Variants in LOXHD1 observed in about 807,000 individuals in gnomAD.
LOXHD1 encodes lipoxygenase homology domain-containing protein 1.
A neutral mutation model predicts 248.2 loss-of-function variants in LOXHD1; 205 were observed. The ratio of observed to expected loss-of-function variants is 0.83; its 90% CI spans 0.74 to 0.93. The LOEUF is 0.93. Among genes scored for constraint, LOXHD1 ranks in the 40% least tolerant of loss-of-function variants. The pLI is 0.00. For missense variants in LOXHD1, 2,930 were observed against 2,971.6 expected, an observed-to-expected ratio of 0.99 and a Z score of 0.33; for synonymous variants, 1,113 against 1,162.8, an observed-to-expected ratio of 0.96 and a Z score of 0.87.
intron 4 of LOXHD1, among the ~76,000 whole-genome samples, chr18:46,620,690 T>C (rs1599055126): frequency 1.3e-5 from 2 of 152,180 alleles, no homozygotes; most frequent in African/African-American, 4.8e-5. Flanking sequence ...GAGAGCCACC[T>C]GCCAGGGATG....
chr18:46,493,502 T>C (rs1192467559), intron 37 of LOXHD1, among the ~76,000 whole-genome samples: 1 of 152,242 alleles, frequency 6.6e-6, no homozygotes, highest in Non-Finnish European at 1.5e-5. Flanking sequence ...GTGCTTGGCA[T>C]ATTATTAAAT....
chr18:46,529,041 A>T, intron 29 of LOXHD1, 136 bp downstream of exon 29: 1 of 1,069,620 alleles, frequency 9.3e-7, no homozygotes. Flanking sequence ...GGGAAGGGCA[A>T]GGGCAGAGGC....
chr18:46,629,853 T>C (rs1475480311), intron 4 of LOXHD1, among the ~76,000 whole-genome samples: 2 of 150,258 alleles, frequency 1.3e-5, no homozygotes, highest in South Asian at 2.1e-4. Flanking sequence ...TGCTCCAGAA[T>C]GGGAGTCCAG....
At chr18:46,496,008 G>C (rs977428407) in intron 37 of LOXHD1, among the ~76,000 whole-genome samples, 1 of 152,134 alleles carries the variant, frequency 6.6e-6, no homozygotes, top group Non-Finnish European at 1.5e-5. Context: ...CTCCAGCCTG[G>C]GTGACAGAGT....
chr18:46,644,869 A>G (rs535510634), intron 2 of LOXHD1, among the ~76,000 whole-genome samples: 32 of 152,294 alleles, frequency 2.1e-4, no homozygotes, highest in African/African-American at 7.2e-4. Context: ...GGAGGAGCGT[A>G]TGTGGAAGCA....
At chr18:46,629,803 A>G (rs1253413034) in intron 4 of LOXHD1, among the ~76,000 whole-genome samples, 37 of 151,132 alleles carry the variant, frequency 2.4e-4, no homozygotes, top group African/African-American at 8.1e-4. Context: ...AAAAAAAAAA[A>G]AAAAGAAAAA....
chr18:46,502,684 T>C (rs2034312112), intron 37 of LOXHD1, among the ~76,000 whole-genome samples: 1 of 151,684 alleles, frequency 6.6e-6, no homozygotes, highest in Admixed American at 6.6e-5. Flanking sequence ...TTCTACAGAG[T>C]ATGGTCCTTA....
At chr18:46,635,587 T>C (rs2038882949) in intron 4 of LOXHD1, among the ~76,000 whole-genome samples, 1 of 152,174 alleles carries the variant, frequency 6.6e-6, no homozygotes, top group African/African-American at 2.4e-5. Flanking sequence ...CTGGTATTGT[T>C]TACCAGGGTA....
intron 26 of LOXHD1, among the ~76,000 whole-genome samples, chr18:46,536,835 C>A (rs76496635): frequency 2.6e-5 from 4 of 152,178 alleles, no homozygotes; most frequent in Non-Finnish European, 4.4e-5. Context: ...AAGGAAGGTG[C>A]CCTGGGCTTT....
intron 22 of LOXHD1, among the ~76,000 whole-genome samples, chr18:46,546,097 G>C (rs1433413304): frequency 1.3e-5 from 2 of 152,092 alleles, no homozygotes; most frequent in Non-Finnish European, 2.9e-5. Context: ...AGGGTCAGAG[G>C]CTCAGCAGCC....
chr18:46,537,865 G>A (rs544200237), intron 26 of LOXHD1, among the ~76,000 whole-genome samples: 1 of 152,184 alleles, frequency 6.6e-6, no homozygotes, highest in Non-Finnish European at 1.5e-5. Context: ...AGTGTCTATT[G>A]TTGGAAGCTC....
intron 28 of LOXHD1, among the ~76,000 whole-genome samples, chr18:46,531,502 C>G (rs11875442): frequency 0.14 from 20,975 of 152,108 alleles, 1,563 homozygotes; most frequent in South Asian, 0.23. Context: ...ATAGGGACAC[C>G]TTTTCTAGGA....
chr18:46,615,972 G>A (rs936819854), intron 5 of LOXHD1, among the ~76,000 whole-genome samples: 1 of 152,114 alleles, frequency 6.6e-6, no homozygotes. Context: ...TTGCCTTAAA[G>A]TTTCATTTGA....
At chr18:46,524,106 T>G (rs563939657) in intron 31 of LOXHD1, among the ~76,000 whole-genome samples, 1 of 152,270 alleles carries the variant, frequency 6.6e-6, no homozygotes, top group Admixed American at 6.5e-5. Flanking sequence ...AAATGGAACT[T>G]CAGTCCCCAA....
chr18:46,560,052 T>TGGCCCCC, intron 19 of LOXHD1, 31 bp downstream of exon 19: 11 of 441,120 alleles, frequency 2.5e-5, no homozygotes, highest in African/African-American at 3.1e-5. Flanking sequence ...GGCCACTCCC[T>TGGCCCCC]CCCCACCCCC....
intron 12 of LOXHD1, among the ~76,000 whole-genome samples, chr18:46,582,082 TGATA>T (rs956640014): frequency 3.4e-4 from 52 of 152,312 alleles, no homozygotes; most frequent in East Asian, 1.3e-3. Flanking sequence ...TGAAATCACC[TGATA>T]GATAGAATAA....
chr18:46,536,667 G>A (rs1401656267), intron 26 of LOXHD1, among the ~76,000 whole-genome samples: 2 of 152,194 alleles, frequency 1.3e-5, no homozygotes, highest in African/African-American at 4.8e-5. Flanking sequence ...CATCTTGGGT[G>A]GATGAGATGT....
chr18:46,598,594 T>C (rs551523093), intron 8 of LOXHD1, among the ~76,000 whole-genome samples: 17 of 151,976 alleles, frequency 1.1e-4, no homozygotes, highest in Non-Finnish European at 2.2e-4. Flanking sequence ...GAATTAACAA[T>C]AGAGTTTAGC....
chr18:46,615,441 A>T (rs1218091306), intron 5 of LOXHD1, among the ~76,000 whole-genome samples: 1 of 152,204 alleles, frequency 6.6e-6, no homozygotes, highest in Non-Finnish European at 1.5e-5. Context: ...GGTGATGATG[A>T]TATAACATGT....
Sources: gnomAD v4.1 joint callset for allele counts (sites outside exome capture counted in the v4.1 genomes callset) on GRCh38, gnomAD v4.1.1 for gene constraint, MANE v1.5 for transcripts, NCBI Gene and HGNC (gene_info 2026-07-23, HGNC 2026-07-21) for gene names.